CADM1: variants seen among roughly 807,000 people sequenced by gnomAD.
The protein encoded by CADM1 is cell adhesion molecule 1.
In CADM1, 15 loss-of-function variants were observed where a neutral mutation model predicts 53.1. The observed-to-expected ratio is 0.28, with a 90% CI of 0.19 to 0.44. The LOEUF (loss-of-function observed/expected upper bound fraction) is 0.44. Among genes scored for constraint, CADM1 ranks in the 20% least tolerant of loss-of-function variants. The probability of loss-of-function intolerance (pLI) is 1.00; values close to 1 mark genes in which losing one functional copy is unlikely to be tolerated. For missense variants in CADM1, 434 were observed against 611.3 expected (o/e 0.71, Z 3.06); for synonymous variants, 281 against 243.0 (o/e 1.16, Z -1.45).
chr11:115,292,475 C>T (rs1329488708), intron 1 of CADM1, among the ~76,000 whole-genome samples: 1 of 152,190 alleles, frequency 6.6e-6, no homozygotes, highest in Non-Finnish European at 1.5e-5. Flanking sequence ...GGAAGCACGG[C>T]ACATCCTTAT....
chr11:115,197,122 C>T (rs931842467), intron 9 of CADM1, among the ~76,000 whole-genome samples: 16 of 152,278 alleles, frequency 1.1e-4, no homozygotes, highest in South Asian at 6.2e-4. Flanking sequence ...TACCCAAGTT[C>T]GTTTTGCTTT....
chr11:115,227,571 G>A (rs1027060582), intron 5 of CADM1, among the ~76,000 whole-genome samples: 30 of 152,236 alleles, frequency 2.0e-4, no homozygotes, highest in African/African-American at 7.2e-4. Context: ...TATTAACAAA[G>A]TCACAAGAAA....
At chr11:115,488,929 A>T (rs1949435510) in intron 1 of CADM1, among the ~76,000 whole-genome samples, 1 of 152,210 alleles carries the variant, frequency 6.6e-6, no homozygotes, top group South Asian at 2.1e-4. Context: ...TTACTGTACA[A>T]GGAAAACTGT....
intron 1 of CADM1, among the ~76,000 whole-genome samples, chr11:115,340,626 T>TTATATACATATATATA (rs1555069218): frequency 2.1e-5 from 1 of 48,250 alleles, no homozygotes; most frequent in African/African-American, 9.5e-5. Context: ...ATAATAAATA[T>TTATATACATATATATA]TATATATATA....
intron 1 of CADM1, among the ~76,000 whole-genome samples, chr11:115,474,746 T>A (rs866804439): frequency 1.3e-5 from 2 of 151,096 alleles, no homozygotes; most frequent in Non-Finnish European, 3.0e-5. Flanking sequence ...ATACCTAATG[T>A]AAATGACGAG....
chr11:115,200,646 C>T (rs1940380302), intron 8 of CADM1, among the ~76,000 whole-genome samples: 1 of 152,210 alleles, frequency 6.6e-6, no homozygotes. Context: ...CTGGCATGTG[C>T]CACCACGCCT....
At chr11:115,207,610 G>A (rs1334060499) in intron 8 of CADM1, among the ~76,000 whole-genome samples, 1 of 152,056 alleles carries the variant, frequency 6.6e-6, no homozygotes, top group African/African-American at 2.4e-5. Context: ...ATAAGCTAGT[G>A]AGAAGGCCAG....
At position 115,176,348 on chromosome 11, in the gene CADM1, C is replaced by G. The variant is rs1282751865; in HGVS notation, c.*126G>C. The G allele has an allele frequency of 3.8e-6, 6 of 1,583,754 alleles. No individual in the cohort carries two copies. Among genetic ancestry groups the G allele is most frequent in the Non-Finnish European group, 4.3e-6 (5 of 1,161,516 alleles). On this transcript the variant is annotated 3_prime_UTR_variant, in exon 12 of 12. Transcript: ENST00000331581. ...TTTTACACAGCAAATCCCAAGCCTT[C>G]CCAGTCTCACACCTTTCCACCCATT...
intron 1 of CADM1, among the ~76,000 whole-genome samples, chr11:115,257,210 T>C (rs1226879349): frequency 2.0e-5 from 3 of 152,236 alleles, no homozygotes; most frequent in Admixed American, 6.5e-5. Flanking sequence ...TACTTGCTGT[T>C]CTATTCACTT....
chr11:115,497,896 T>G (rs1213801775), intron 1 of CADM1, among the ~76,000 whole-genome samples: 1 of 151,624 alleles, frequency 6.6e-6, no homozygotes, highest in African/African-American at 2.4e-5. Context: ...ATTCCCTGTT[T>G]GTCTGGAAAC....
chr11:115,413,689 G>A (rs1156667116), intron 1 of CADM1, among the ~76,000 whole-genome samples: 2 of 143,118 alleles, frequency 1.4e-5, no homozygotes, highest in African/African-American at 5.1e-5. Flanking sequence ...CTGTCGCCCA[G>A]GCTGGAATGC....
intron 1 of CADM1, among the ~76,000 whole-genome samples, chr11:115,493,438 T>C (rs1565454455): frequency 1.3e-5 from 2 of 152,078 alleles, no homozygotes; most frequent in Non-Finnish European, 2.9e-5. Flanking sequence ...TGCTGCTCAA[T>C]CCATTAAGTA....
chr11:115,503,014 A>G (rs762955403), intron 1 of CADM1, among the ~76,000 whole-genome samples: 9 of 152,040 alleles, frequency 5.9e-5, no homozygotes, highest in Non-Finnish European at 1.0e-4. Flanking sequence ...GCAGGCTCAG[A>G]GCCCTGCTGC....
intron 1 of CADM1, among the ~76,000 whole-genome samples, chr11:115,463,343 A>G (rs1471333104): frequency 6.6e-6 from 1 of 152,204 alleles, no homozygotes; most frequent in Non-Finnish European, 1.5e-5. Flanking sequence ...ACTAGCTACC[A>G]ATGTCAACAT....
At chr11:115,192,516 A>G (rs1265201199) in intron 9 of CADM1, among the ~76,000 whole-genome samples, 1 of 152,242 alleles carries the variant, frequency 6.6e-6, no homozygotes, top group Non-Finnish European at 1.5e-5. Context: ...GATGAATACA[A>G]TTATTTAAAT....
chr11:115,434,529 T>TTTGTTG (rs1262655210), intron 1 of CADM1, among the ~76,000 whole-genome samples: 1 of 152,196 alleles, frequency 6.6e-6, no homozygotes, highest in Non-Finnish European at 1.5e-5. Flanking sequence ...ACAAGTTTCT[T>TTTGTTG]AACCCACCAG....
intron 1 of CADM1, among the ~76,000 whole-genome samples, chr11:115,379,678 T>C (rs971750891): frequency 1.3e-5 from 2 of 152,170 alleles, no homozygotes; most frequent in Non-Finnish European, 2.9e-5. Context: ...TGTTAAATTA[T>C]TTACTTGTTT....
intron 5 of CADM1, among the ~76,000 whole-genome samples, chr11:115,228,901 T>C (rs1371818796): frequency 6.6e-6 from 1 of 152,238 alleles, no homozygotes; most frequent in East Asian, 1.9e-4. Context: ...ATTTCAGTTT[T>C]ACCTTTGGGT....
chr11:115,481,587 T>A lies in CADM1; in HGVS notation c.124+22684A>T, dbSNP rs552926021. 9.8e-5 allele frequency among the ~76,000 whole-genome samples: 15 copies of A among 152,320 alleles called. No individual in the cohort carries two copies. The South Asian group carries it at 2.1e-3, about 21-fold the overall frequency. ...GTGCTGCTAGGTATCTTCACCTGAA[T>A]GTGCCTCCAGCTCAACTTCTGCAGG... is the stretch of plus-strand genomic sequence containing the variant. On this transcript the variant is annotated intron_variant, in intron 1 of 11. Transcript: ENST00000331581.
Sources: gnomAD v4.1 joint callset for allele counts (sites outside exome capture counted in the v4.1 genomes callset) on GRCh38, gnomAD v4.1.1 for gene constraint, MANE v1.5 for transcripts, NCBI Gene and HGNC (gene_info 2026-07-23, HGNC 2026-07-21) for gene names.